DPP10: variants seen among roughly 807,000 people sequenced by gnomAD.
DPP10 encodes the protein dipeptidyl peptidase like 10.
DPP10 carries 33 observed loss-of-function variants against 120.9 expected under a neutral mutation model. That is an observed-to-expected ratio of 0.27 (90% CI 0.21 to 0.37). DPP10 has a LOEUF of 0.37. Ranked by LOEUF, DPP10 falls within the 10% of genes least tolerant of loss-of-function variation. The probability of loss-of-function intolerance (pLI) is 1.00; values close to 1 mark genes in which losing one functional copy is unlikely to be tolerated. For missense variants in DPP10, 816 were observed against 942.8 expected, an observed-to-expected ratio of 0.87 and a Z score of 1.76; for synonymous variants, 337 against 326.1, an observed-to-expected ratio of 1.03 and a Z score of -0.36.
At chr2:114,475,038 G>A (rs1680260290) in intron 1 of DPP10, among the ~76,000 whole-genome samples, 1 of 152,218 alleles carries the variant, frequency 6.6e-6, no homozygotes, top group Non-Finnish European at 1.5e-5. Context: ...GAATATCATA[G>A]AGGGAGAAAG....
intron 3 of DPP10, among the ~76,000 whole-genome samples, chr2:115,491,624 G>T (rs932246510): frequency 1.3e-5 from 2 of 152,112 alleles, no homozygotes; most frequent in African/African-American, 4.8e-5. Context: ...TTCCTGGCTG[G>T]AAGGGGTTAT....
intron 3 of DPP10, among the ~76,000 whole-genome samples, chr2:115,448,411 A>C (rs2072812224): frequency 6.6e-6 from 1 of 152,208 alleles, no homozygotes; most frequent in Non-Finnish European, 1.5e-5. Context: ...ACTTTAATGT[A>C]GCGGGAGGTA....
intron 4 of DPP10, among the ~76,000 whole-genome samples, chr2:115,508,345 G>A (rs1367813893): frequency 7.5e-6 from 1 of 133,900 alleles, no homozygotes; most frequent in Non-Finnish European, 1.8e-5. Flanking sequence ...TAGAAAATAG[G>A]AGAGAAAATA....
intron 17 of DPP10, among the ~76,000 whole-genome samples, chr2:115,784,595 G>A (rs1419130258): frequency 1.3e-5 from 2 of 152,114 alleles, no homozygotes; most frequent in Non-Finnish European, 2.9e-5. Context: ...ATGCAATGGT[G>A]TGATCTCAGC....
chr2:114,748,117 T>C (rs2106020207), intron 1 of DPP10, among the ~76,000 whole-genome samples: 1 of 152,208 alleles, frequency 6.6e-6, no homozygotes, highest in South Asian at 2.1e-4. Context: ...CATTTATTTT[T>C]ATTCCATTTT....
At chr2:115,645,044 T>C (rs903198655) in intron 5 of DPP10, among the ~76,000 whole-genome samples, 1 of 152,196 alleles carries the variant, frequency 6.6e-6, no homozygotes, top group Non-Finnish European at 1.5e-5. Context: ...ACTTGCCCTT[T>C]GGTCTTACAG....
intron 1 of DPP10, among the ~76,000 whole-genome samples, chr2:114,764,412 A>G (rs557713793): frequency 2.6e-5 from 4 of 152,026 alleles, no homozygotes; most frequent in African/African-American, 9.6e-5. Flanking sequence ...CATACAATTA[A>G]AAAATTTTAA....
At chr2:114,902,410 C>A (rs1032811520) in intron 1 of DPP10, among the ~76,000 whole-genome samples, 1 of 152,152 alleles carries the variant, frequency 6.6e-6, no homozygotes, top group Admixed American at 6.5e-5. Context: ...TTTCTGGACT[C>A]TGTGATCGTT....
chr2:115,383,955 A>G (rs912025575), intron 3 of DPP10, among the ~76,000 whole-genome samples: 1 of 152,214 alleles, frequency 6.6e-6, no homozygotes, highest in Non-Finnish European at 1.5e-5. Flanking sequence ...AGAAATAACC[A>G]AATATAAAGT....
chr2:115,608,231 T>C (rs2083839658), intron 5 of DPP10, among the ~76,000 whole-genome samples: 1 of 151,826 alleles, frequency 6.6e-6, no homozygotes, highest in Admixed American at 6.6e-5. Context: ...CTACTAAAAA[T>C]ACAAAAATAT....
At chr2:115,384,707 AAAGAAGAAG>A (rs139572526) in intron 3 of DPP10, among the ~76,000 whole-genome samples, 17 of 148,434 alleles carry the variant, frequency 1.1e-4, no homozygotes, top group Non-Finnish European at 1.6e-4. Flanking sequence ...AAGAAAGAAG[AAAGAAGAAG>A]AAGAAGAAGA....
intron 11 of DPP10, among the ~76,000 whole-genome samples, chr2:115,755,325 A>C (rs2149761240): frequency 6.6e-6 from 1 of 152,252 alleles, no homozygotes; most frequent in East Asian, 1.9e-4. Flanking sequence ...CAATGTTTGA[A>C]ATGAAAACAT....
intron 5 of DPP10, among the ~76,000 whole-genome samples, chr2:115,630,617 C>T (rs943613507): frequency 2.0e-5 from 3 of 151,814 alleles, no homozygotes; most frequent in Admixed American, 1.3e-4. Flanking sequence ...TAACATGAAG[C>T]GATGTTGAAT....
chr2:115,069,760 T>C (rs2105446410), intron 1 of DPP10, among the ~76,000 whole-genome samples: 1 of 152,106 alleles, frequency 6.6e-6, no homozygotes, highest in South Asian at 2.1e-4. Context: ...GGCATGTTAC[T>C]TAACCTCTCT....
chr2:114,794,649 A>G (rs1206688577), intron 1 of DPP10, among the ~76,000 whole-genome samples: 1 of 152,144 alleles, frequency 6.6e-6, no homozygotes, highest in Non-Finnish European at 1.5e-5. Flanking sequence ...TTTTCTACTA[A>G]TCAATACTTG....
At chr2:114,786,357 A>T (rs1682765739) in intron 1 of DPP10, among the ~76,000 whole-genome samples, 1 of 152,138 alleles carries the variant, frequency 6.6e-6, no homozygotes, top group Admixed American at 6.6e-5. Context: ...ACATCTTTGC[A>T]CCCTCCAGGG....
chr2:115,726,515 TAAA>T (rs2092768710), intron 7 of DPP10, among the ~76,000 whole-genome samples: 10 of 152,152 alleles, frequency 6.6e-5, no homozygotes, highest in Admixed American at 2.0e-4. Flanking sequence ...ATTAGGATTT[TAAA>T]TTTAGGCTGC....
intron 1 of DPP10, among the ~76,000 whole-genome samples, chr2:114,606,872 G>A (rs1397191295): frequency 6.6e-6 from 1 of 152,166 alleles, no homozygotes; most frequent in African/African-American, 2.4e-5. Context: ...GTGTGGTTAA[G>A]CATATTGTTG....
At chr2:114,447,723 T>C (rs1678024154) in intron 1 of DPP10, among the ~76,000 whole-genome samples, 1 of 151,442 alleles carries the variant, frequency 6.6e-6, no homozygotes, top group Admixed American at 6.6e-5. Context: ...AGCAACTGAT[T>C]TCACCAGTGA....
Sources: allele counts gnomAD v4.1 joint callset (sites outside exome capture counted in the v4.1 genomes callset), GRCh38; gene constraint gnomAD v4.1.1; transcripts MANE v1.5; gene names NCBI Gene and HGNC (gene_info 2026-07-23, HGNC 2026-07-21).